Variants in ZNF705A observed in about 807,000 individuals in gnomAD.
ZNF705A encodes zinc finger protein 705A.
ZNF705A carries 8 observed loss-of-function variants against 16.6 expected under a neutral mutation model. The observed-to-expected ratio is 0.48, with a 90% CI of 0.28 to 0.87. The LOEUF (loss-of-function observed/expected upper bound fraction) is 0.87. ZNF705A is among the 40% of genes least tolerant of loss of function. ZNF705A has a pLI of 0.10. For synonymous variants in ZNF705A, 73 were observed against 117.3 expected (o/e 0.62, Z 2.44); for missense variants, 233 against 359.9 (o/e 0.65, Z 2.85).
At chr12:8,175,869 G>A (rs756732557) in exon 4 of ZNF705A, 1 of 1,611,304 alleles carries the variant, frequency 6.2e-7, no homozygotes, top group African/African-American at 1.3e-5. Context: ...GACAGGGAAA[G>A]TGCCCTTAAG....
chr12:8,173,270 T>C (rs1308472164), intron 1 of ZNF705A, among the ~76,000 whole-genome samples: 1 of 152,266 alleles, frequency 6.6e-6, no homozygotes, highest in Non-Finnish European at 1.5e-5. Flanking sequence ...CCATTCATTT[T>C]ACCTTTTGGT....
rs767688012 is a variant in ZNF705A at position 8,177,193 on chromosome 12, A to G, written c.513A>G (p.Ser171=). 1.9e-6 allele frequency: 3 copies of G among 1,612,018 alleles called. No homozygotes were observed. The East Asian group carries it at 6.7e-5, about 36-fold the overall frequency. ...AACAAATTCATACTAAAGGTAAATC[A>G]TATCAATGTAATCTATGTGAAAAGG... The change falls in exon 5 of 5, where the codon TCA becomes TCG. Residue 171 remains serine, a synonymous_variant. Transcript: ENST00000359286.
chr12:8,167,797 C>A (rs778763501), upstream of ZNF705A, among the ~76,000 whole-genome samples: 6 of 152,010 alleles, frequency 3.9e-5, no homozygotes, highest in Non-Finnish European at 8.8e-5. Flanking sequence ...GGGCATACAG[C>A]GGAAAAAGAG....
At chr12:8,165,151 CA>C (rs1034922867) in intron 1 of ZNF705A, among the ~76,000 whole-genome samples, 5 of 151,994 alleles carry the variant, frequency 3.3e-5, no homozygotes, top group Non-Finnish European at 5.9e-5. Flanking sequence ...TAAGAGTTAT[CA>C]GGTGATATTT....
chr12:8,161,651 A>G (rs1416609723), intron 1 of ZNF705A, among the ~76,000 whole-genome samples: 4 of 152,178 alleles, frequency 2.6e-5, no homozygotes, highest in African/African-American at 7.2e-5. Context: ...TCCAATTACC[A>G]GAAATGCAAC....
chr12:8,168,633 A>C (rs1030048747), upstream of ZNF705A, among the ~76,000 whole-genome samples: 7 of 152,252 alleles, frequency 4.6e-5, no homozygotes, highest in African/African-American at 1.7e-4. Context: ...GCATATCCTT[A>C]GTAGTAATAG....
intron 1 of ZNF705A, among the ~76,000 whole-genome samples, chr12:8,158,125 A>G (rs914953686): frequency 6.6e-6 from 1 of 152,184 alleles, no homozygotes; most frequent in African/African-American, 2.4e-5. Flanking sequence ...ATGAATACAT[A>G]GCTCAAAGAA....
At chr12:8,160,110 C>A (rs1291577370) in intron 1 of ZNF705A, among the ~76,000 whole-genome samples, 1 of 152,022 alleles carries the variant, frequency 6.6e-6, no homozygotes, top group Non-Finnish European at 1.5e-5. Flanking sequence ...TTTTTGTTTG[C>A]TTTGTTGAAG....
At chr12:8,172,612 C>T (rs1265575175) in exon 1 of ZNF705A, 1 of 1,596,478 alleles carries the variant, frequency 6.3e-7, no homozygotes, top group South Asian at 1.1e-5. Context: ...CAGAGAGAAA[C>T]TGAGTTCCGG....
chr12:8,167,263 TA>T (rs34974009), intron 1 of ZNF705A, among the ~76,000 whole-genome samples: 1 of 151,684 alleles, frequency 6.6e-6, no homozygotes, highest in South Asian at 2.1e-4. Flanking sequence ...TACTTATGAA[TA>T]AAAAAAGGAA....
At chr12:8,178,563 A>C (rs1283700031) in exon 5 of ZNF705A, 1 of 152,246 alleles carries the variant, frequency 6.6e-6, no homozygotes, top group African/African-American at 2.4e-5. Context: ...GGACCTCTAG[A>C]AAAAACTCTT....
chr12:8,166,179 G>A (rs1438683404), intron 1 of ZNF705A, among the ~76,000 whole-genome samples: 3 of 152,192 alleles, frequency 2.0e-5, no homozygotes, highest in Non-Finnish European at 4.4e-5. Context: ...CCCCAGTGTG[G>A]ACTCTGTGGG....
At chr12:8,179,740 C>T (rs923263273) in exon 5 of ZNF705A, 11 of 152,268 alleles carry the variant, frequency 7.2e-5, no homozygotes, top group Non-Finnish European at 1.3e-4. Flanking sequence ...TGTGTCCAGG[C>T]AGAGCTCATA....
chr12:8,157,135 C>G, intron 1 of ZNF705A, 43 bp downstream of exon 1: 1 of 397,308 alleles, frequency 2.5e-6, no homozygotes, highest in Non-Finnish European at 4.4e-6. Context: ...GTTCTAATGT[C>G]CACATTCCTA....
chr12:8,164,478 A>G (rs1948382186), intron 1 of ZNF705A, among the ~76,000 whole-genome samples: 1 of 151,634 alleles, frequency 6.6e-6, no homozygotes, highest in Non-Finnish European at 1.5e-5. Flanking sequence ...TTATCCTGAT[A>G]CTCTCCCTCC....
At chr12:8,163,184 C>T (rs913473852) in intron 1 of ZNF705A, among the ~76,000 whole-genome samples, 7 of 152,130 alleles carry the variant, frequency 4.6e-5, no homozygotes, top group South Asian at 2.1e-4. Context: ...TTAGGTGCTT[C>T]CTTGATAGCA....
At chr12:8,170,539 G>T (rs34311045), upstream of ZNF705A, among the ~76,000 whole-genome samples, 72,467 of 151,372 alleles carry the variant, frequency 0.48, 17,847 homozygotes, top group Non-Finnish European at 0.56. Context: ...ATATGACCAG[G>T]TAATGACTTT....
At chr12:8,172,242 A>T (rs1192068552), upstream of ZNF705A, among the ~76,000 whole-genome samples, 1 of 151,492 alleles carries the variant, frequency 6.6e-6, no homozygotes, top group African/African-American at 2.4e-5. Context: ...ATGTGGATGG[A>T]GTCAGGGATC....
At chr12:8,169,780 T>G (rs1194287840), upstream of ZNF705A, among the ~76,000 whole-genome samples, 1 of 152,220 alleles carries the variant, frequency 6.6e-6, no homozygotes, top group Non-Finnish European at 1.5e-5. Context: ...CTAAGGTGTG[T>G]CTAAATAGCC....
Sources: gnomAD v4.1 joint callset for allele counts (sites outside exome capture counted in the v4.1 genomes callset) on GRCh38, gnomAD v4.1.1 for gene constraint, MANE v1.5 for transcripts, NCBI Gene and HGNC (gene_info 2026-07-23, HGNC 2026-07-21) for gene names.